Variants in UNC5CL observed in about 807,000 individuals in gnomAD.
UNC5CL encodes the protein UNC5C-like protein.
In UNC5CL, 42 loss-of-function variants were observed where a neutral mutation model predicts 54.1. The observed-to-expected ratio is 0.78, with a 90% confidence interval of 0.61 to 1.00. UNC5CL has a LOEUF of 1.00. Among genes scored for constraint, UNC5CL ranks in the 50% least tolerant of loss-of-function variants. The pLI, the probability that UNC5CL is intolerant of heterozygous loss-of-function variation, is 0.00. For synonymous variants in UNC5CL, 285 were observed against 285.1 expected (o/e 1.00, Z 0.00); for missense variants, 619 against 675.6 (o/e 0.92, Z 0.93).
At position 41,027,022 on chromosome 6, in the gene UNC5CL, A is replaced by G. The variant is rs1487033407; in HGVS notation, c.*1351T>C. On this transcript the variant is annotated 3_prime_UTR_variant, in exon 9 of 9. Coordinates refer to ENST00000244565, the MANE Select transcript of UNC5CL (RefSeq NM_173561.3). ...ACAACACCTGTTTGCAAACAAAAGAATTTCCAGAATGGAGTCAAACCCTTT... is the reference window on the plus strand; with the variant it reads ...ACAACACCTGTTTGCAAACAAAAGAGTTTCCAGAATGGAGTCAAACCCTTT... The G allele has an allele frequency of 6.6e-6, 1 of 152,196 alleles. No homozygotes were observed. The highest frequency in any genetic ancestry group is 1.5e-5 in the Non-Finnish European group (1 of 68,032). The allele number at this position is 152,196 out of a possible 1,614,324, so 9.4% of individuals were successfully genotyped here.
chr6:41,036,960 C>CA (rs1272180370), intron 1 of UNC5CL, among the ~76,000 whole-genome samples: 1 of 152,072 alleles, frequency 6.6e-6, no homozygotes, highest in African/African-American at 2.4e-5. Context: ...CTACAATTTC[C>CA]AACACGCCTG....
intron 1 of UNC5CL, among the ~76,000 whole-genome samples, chr6:41,038,406 T>G (rs1292880354): frequency 6.6e-6 from 1 of 151,998 alleles, no homozygotes; most frequent in Non-Finnish European, 1.5e-5. Flanking sequence ...TGCACCTCAC[T>G]GGGTGGTGCA....
At position 41,028,336 on chromosome 6, in the gene UNC5CL, C is replaced by T. The variant is rs1209993511; in HGVS notation, c.*37G>A. The stretch of plus-strand genomic sequence containing the variant: ...TTAGGCGTAGGAGAACAACCCCTCT[C>T]GCCCCTACACCTCCTCCGGCCCTGC... On this transcript the variant is annotated 3_prime_UTR_variant, in exon 9 of 9. Transcript: ENST00000244565. The surrounding 1 kb of genome is among the most constrained non-coding windows in gnomAD (Gnocchi z 4.3). The T allele has an allele frequency of 6.6e-7, 1 of 1,515,374 alleles. No individual in the cohort carries two copies. Among genetic ancestry groups the T allele is most frequent in the South Asian group, 1.2e-5 (1 of 81,568 alleles). 93.9% of individuals were successfully genotyped at this position (1,515,374 alleles called of 1,614,324 possible). A position where few individuals can be genotyped will look rare whatever the true frequency, so the allele number is the denominator to read the frequency against.
rs1243445215 is a variant in UNC5CL at position 41,030,672 on chromosome 6, C to T, written c.1203G>A (p.Gln401=). The change falls in exon 7 of 9, where the codon CAG becomes CAA. Residue 401 remains glutamine, a synonymous_variant. Transcript: ENST00000244565. ...ESWAAPPPVS[Q]PPPCNRLPPE... is the part of the protein sequence containing the mutation. ...CGTCTCACCTATTGCATGGGGGCGG[C>T]TGGGAAACAGGTGGTGGCGCTGCCC... 2 of 1,613,980 alleles carry T rather than the reference C, an allele frequency of 1.2e-6. No individual in the cohort carries two copies. The highest frequency in any genetic ancestry group is 1.7e-5 in the Admixed American group (1 of 59,996).
At chr6:41,032,452 G>T (rs1209228146) in intron 4 of UNC5CL, among the ~76,000 whole-genome samples, 3 of 152,202 alleles carry the variant, frequency 2.0e-5, no homozygotes, top group Non-Finnish European at 4.4e-5. Context: ...GCTACTGCTG[G>T]CCCAGAGGTC....
rs779222483 is a variant in UNC5CL at position 41,031,748 on chromosome 6, G to C, written c.1052C>G (p.Ala351Gly). 6.2e-7 allele frequency: 1 copy of C among 1,614,006 alleles called. No individual in the cohort carries two copies. Among genetic ancestry groups the C allele is most frequent in the African/African-American group, 1.3e-5 (1 of 74,914 alleles). The change falls in exon 6 of 9, where the codon GCC (alanine) becomes GGC (glycine). Residue 351 changes from alanine to glycine, a missense_variant and splice_region_variant. Ala to Gly is a moderately conservative substitution (Grantham distance 60, BLOSUM62 0). Coordinates refer to ENST00000244565, the MANE Select transcript of UNC5CL (RefSeq NM_173561.3). The part of the protein sequence containing the change: ...FRSFCFRRKA[A>G]DENEDCSALT... ...TGCTGAACAGTCCTCATTCTCATCG[G>C]CTATAAAGAGAAGGTGACAGCGTGG...
At chr6:41,038,882 T>C (rs1424620983) in intron 1 of UNC5CL, among the ~76,000 whole-genome samples, 1 of 152,174 alleles carries the variant, frequency 6.6e-6, no homozygotes, top group Non-Finnish European at 1.5e-5. Flanking sequence ...CTGATAGATG[T>C]CCAGTTACTG....
rs933519123 is a variant in UNC5CL, at chr6:41,028,979, C to T, written c.1335-384G>A. Among the ~76,000 whole-genome samples the T allele has an allele frequency of 1.3e-5, 2 of 151,766 alleles. No individual in the cohort carries two copies. The highest frequency in any genetic ancestry group is 4.8e-5 in the African/African-American group (2 of 41,260). On this transcript the variant is annotated intron_variant, in intron 8 of 8. Transcript: ENST00000244565. The surrounding 1 kb of genome is among the most constrained non-coding windows in gnomAD (Gnocchi z 4.3). ...AGCCTCCTAACTCCCTCCTTCCTCC[C>T]TCTCTCCTAGGCCACAACATCCTGC...
In UNC5CL at chr6:41,028,379, C is replaced by T; in HGVS notation, c.1551G>A (p.Lys517=). ...GGCCCTGCCCGCTGGGCGCTCAGAG[C>T]TTCTCGTCCAGCTCCAGGCCCTGGT... is the stretch of plus-strand genomic sequence containing the variant. ...RDNQGLELDE[K]L is the part of the protein sequence containing the mutation. Residue 517 remains lysine (K), a synonymous_variant, in exon 9 of 9, where the codon AAG becomes AAA. Coordinates refer to ENST00000244565, the MANE Select transcript of UNC5CL (RefSeq NM_173561.3). This position sits in a 1 kb window ranked among gnomAD's most constrained non-coding sequence, Gnocchi z 4.3. The T allele has an allele frequency of 6.3e-7, 1 of 1,581,126 alleles. No homozygotes were observed. Among genetic ancestry groups the T allele is most frequent in the Non-Finnish European group, 8.6e-7 (1 of 1,163,966 alleles).
At position 41,028,985 on chromosome 6, in the gene UNC5CL, C is replaced by T. The variant is rs1762423503; in HGVS notation, c.1335-390G>A. The stretch of plus-strand genomic sequence containing the variant: ...CTAACTCCCTCCTTCCTCCCTCTCT[C>T]CTAGGCCACAACATCCTGCTCACTA... On this transcript the variant is annotated intron_variant, in intron 8 of 8. Coordinates refer to ENST00000244565, the MANE Select transcript of UNC5CL (RefSeq NM_173561.3). This position sits in a 1 kb window ranked among gnomAD's most constrained non-coding sequence, Gnocchi z 4.3. Among the ~76,000 whole-genome samples the T allele has an allele frequency of 6.6e-6, 1 of 151,742 alleles. No individual in the cohort carries two copies. The highest frequency in any genetic ancestry group is 1.9e-4 in the East Asian group (1 of 5,160).
Position 41,029,048 on chromosome 6 carries a change from A to G in UNC5CL, c.1335-453T>C, listed in dbSNP as rs539259898. ...TTGCTGTAAACCATGGCTTTTTATC[A>G]CGACTCTCCCGTCCACTAAAACCTT... is the stretch of plus-strand genomic sequence containing the variant. On this transcript the variant is annotated intron_variant, in intron 8 of 8. Coordinates refer to ENST00000244565, the MANE Select transcript of UNC5CL (RefSeq NM_173561.3). This position sits in a 1 kb window ranked among gnomAD's most constrained non-coding sequence, Gnocchi z 4.1. 6.6e-6 allele frequency among the ~76,000 whole-genome samples: 1 copy of G among 151,250 alleles called. No homozygotes were observed. Among genetic ancestry groups the G allele is most frequent in the East Asian group, 2.0e-4 (1 of 5,090 alleles).
At chr6:41,036,330 G>A (rs1314356545) in intron 1 of UNC5CL, among the ~76,000 whole-genome samples, 13 of 152,210 alleles carry the variant, frequency 8.5e-5, no homozygotes, top group Non-Finnish European at 1.9e-4. Flanking sequence ...GGGACTGGCT[G>A]TATTTCAAGT....
Position 41,034,906 on chromosome 6 carries a change from T to C in UNC5CL, c.169A>G (p.Thr57Ala). The C allele has an allele frequency of 6.2e-7, 1 of 1,614,108 alleles. No individual in the cohort carries two copies. Among genetic ancestry groups the C allele is most frequent in the Non-Finnish European group, 8.5e-7 (1 of 1,180,022 alleles). Residue 57 changes from threonine to alanine, a missense_variant, in exon 2 of 9, where the codon ACC becomes GCC. Thr to Ala is a moderately conservative substitution (Grantham distance 58). Coordinates refer to ENST00000244565, the MANE Select transcript of UNC5CL (RefSeq NM_173561.3). ...GAGACCTCATTTTCTAGTTGGGGGG[T>C]AGGCTGGGACACTGGTTCCTCTTGA... ...NGQEEPVSQP[T>A]PQLENEVSRQ...
At position 41,030,407 on chromosome 6, in the gene UNC5CL, G is replaced by A. The variant is rs1261935950; in HGVS notation, c.1315C>T (p.Leu439Phe). 3 of 1,614,022 alleles carry A rather than the reference G, an allele frequency of 1.9e-6. No homozygotes were observed. The highest frequency in any genetic ancestry group is 2.5e-6 in the Non-Finnish European group (3 of 1,179,972). The change falls in exon 8 of 9, where the codon CTT becomes TTT. Residue 439 changes from leucine (L) to phenylalanine (F), a missense_variant. Transcript: ENST00000244565. ...DWRRLASHLG[L>F]CGMKIRFLSC... is the part of the protein sequence containing the mutation. ...TCCTACCGGATCTTCATGCCGCAAA[G>A]CCCCAGGTGGGAGGCCAGTCTGCGC...
intron 3 of UNC5CL, chr6:41,033,621 T>A (rs1232155330): frequency 1.8e-6 from 1 of 564,912 alleles, no homozygotes; most frequent in African/African-American, 1.9e-5. Context: ...CCCTCTTAGA[T>A]GGAGAGATGG....
At chr6:41,032,808 T>A (rs1435533701) in intron 4 of UNC5CL, 76 bp downstream of exon 4, 1 of 1,464,776 alleles carries the variant, frequency 6.8e-7, no homozygotes, top group African/African-American at 1.4e-5. Flanking sequence ...TCTCCAGATG[T>A]CCAGGGGAGG....
chr6:41,033,828 G>C, intron 3 of UNC5CL, 53 bp downstream of exon 3: 1 of 1,561,288 alleles, frequency 6.4e-7, no homozygotes. Context: ...GGGCAGGAAA[G>C]ACAGTCCTCA....
intron 8 of UNC5CL, 84 bp downstream of exon 8, chr6:41,030,304 G>A: frequency 7.5e-7 from 1 of 1,325,258 alleles, no homozygotes; most frequent in Non-Finnish European, 1.1e-6. Context: ...TCCCTTGCCT[G>A]TGATCCAGTC....
chr6:41,038,143 C>G (rs536182273), intron 1 of UNC5CL, among the ~76,000 whole-genome samples: 1 of 152,288 alleles, frequency 6.6e-6, no homozygotes, highest in African/African-American at 2.4e-5. Flanking sequence ...CAAGTATCTT[C>G]CTTTCCTTCT....
Sources: gnomAD v4.1 joint callset for allele counts (sites outside exome capture counted in the v4.1 genomes callset) on GRCh38, gnomAD v4.1.1 for gene constraint, Gnocchi (gnomAD v3.1) non-coding constraint, MANE v1.5 for transcripts, NCBI Gene and HGNC (gene_info 2026-07-23, HGNC 2026-07-21) for gene names.